USP20: variants seen among roughly 807,000 people sequenced by gnomAD.
USP20 encodes ubiquitin specific peptidase 20, also known as ubiquitin carboxyl-terminal hydrolase 20.
A neutral mutation model predicts 124.2 loss-of-function variants in USP20; 80 were observed. That is an observed-to-expected ratio of 0.64 (90% CI 0.54 to 0.78). The LOEUF is 0.78. Among genes scored for constraint, USP20 ranks in the 30% least tolerant of loss-of-function variants. USP20 has a pLI of 0.00. For missense variants in USP20, 1,043 were observed against 1,244.4 expected (o/e 0.84, Z 2.44); for synonymous variants, 481 against 512.3 (o/e 0.94, Z 0.83).
At chr9:129,876,087 T>C (rs1395552298) in intron 21 of USP20, 43 bp from the exon 22 acceptor site, 7 of 1,547,896 alleles carry the variant, frequency 4.5e-6, no homozygotes, top group Non-Finnish European at 5.3e-6. Flanking sequence ...CCCTCCCTGG[T>C]ACCCCGCTCA....
chr9:129,866,991 A>G (rs2033849827), intron 10 of USP20, among the ~76,000 whole-genome samples: 1 of 151,940 alleles, frequency 6.6e-6, no homozygotes, highest in South Asian at 2.1e-4. Context: ...TTCCCTGCAC[A>G]TGAGTGGAGA....
rs1013380026 is a variant in USP20 at position 129,878,421 on chromosome 9, C to G, written c.2493C>G (p.Phe831Leu). ...SMQWFREWEAFVKGKDNEPPG... is the reference protein window; with the variant it reads ...SMQWFREWEALVKGKDNEPPG... The stretch of plus-strand genomic sequence containing the variant: ...AGTGGTTCCGGGAGTGGGAGGCGTT[C>G]GTCAAGGGGAAGGACAACGGTGAGC... Residue 831 changes from phenylalanine to leucine, a missense_variant, in exon 23 of 26, where the codon TTC becomes TTG. Physicochemically the swap from Phe to Leu is conservative, Grantham distance 22. Coordinates refer to ENST00000372429, the MANE Select transcript of USP20 (RefSeq NM_001110303.4). The G allele has an allele frequency of 1.9e-6, 3 of 1,609,168 alleles. No individual in the cohort carries two copies. Among genetic ancestry groups the G allele is most frequent in the Non-Finnish European group, 2.5e-6 (3 of 1,177,386 alleles).
At chr9:129,841,881 G>C (rs2131031725) in intron 1 of USP20, among the ~76,000 whole-genome samples, 1 of 152,174 alleles carries the variant, frequency 6.6e-6, no homozygotes, top group East Asian at 1.9e-4. Flanking sequence ...TTCGTTGCTG[G>C]GCTGGTTGGC....
chr9:129,847,503 A>G (rs549065285), intron 1 of USP20, among the ~76,000 whole-genome samples: 4 of 151,910 alleles, frequency 2.6e-5, no homozygotes, highest in East Asian at 3.9e-4. Context: ...GGGTTTCACC[A>G]TGTTGGCCAG....
chr9:129,850,386 C>G (rs774062002), intron 2 of USP20, among the ~76,000 whole-genome samples: 4 of 152,170 alleles, frequency 2.6e-5, no homozygotes, highest in Non-Finnish European at 4.4e-5. Flanking sequence ...AAGAAGGAGC[C>G]TCTGTTCCTT....
chr9:129,875,758 C>T (rs1007844649), intron 21 of USP20, 117 bp downstream of exon 21: 12 of 993,284 alleles, frequency 1.2e-5, no homozygotes, highest in East Asian at 2.6e-5. Context: ...CTGGCCTCCA[C>T]GTGGGCAGCA....
At position 129,838,437 on chromosome 9, in the gene USP20, C is replaced by A. The variant is rs575179983; in HGVS notation, c.-129+2938C>A. On this transcript the variant is annotated intron_variant, in intron 1 of 25. Transcript: ENST00000372429. ...ATAGAAATTTCAGGAGAGCCAATTT[C>A]CATTGATTATAAAGACTTAGGTTTG... 2.6e-5 allele frequency among the ~76,000 whole-genome samples: 4 copies of A among 152,260 alleles called. No homozygotes were observed. In the South Asian group the frequency reaches 8.3e-4, roughly 32 times the overall value.
intron 11 of USP20, 113 bp downstream of exon 11, chr9:129,868,562 G>A (rs546040430): frequency 1.7e-5 from 24 of 1,447,888 alleles, no homozygotes; most frequent in South Asian, 1.1e-4. Flanking sequence ...CACTAGACCC[G>A]AATGACAGTG....
At chr9:129,848,704 C>G (rs569896361) in intron 1 of USP20, among the ~76,000 whole-genome samples, 3 of 151,932 alleles carry the variant, frequency 2.0e-5, no homozygotes, top group Admixed American at 2.0e-4. Context: ...CCTCCCCAGC[C>G]ACCCGACTGG....
chr9:129,878,390 G>A lies in USP20; in HGVS notation c.2462G>A (p.Ser821Asn), dbSNP rs768967973. 2 of 1,610,456 alleles carry A rather than the reference G, an allele frequency of 1.2e-6. No homozygotes were observed. Residue 821 changes from serine (S) to asparagine (N), a missense_variant, in exon 23 of 26, where the codon AGC becomes AAC. Physicochemically the swap from Ser to Asn is conservative, Grantham distance 46 (BLOSUM62 1). Coordinates refer to ENST00000372429, the MANE Select transcript of USP20 (RefSeq NM_001110303.4). ...EESPGVIYCI[S>N]MQWFREWEAF... The stretch of plus-strand genomic sequence containing the variant: ...TCGCCGGGCGTCATCTACTGCATCA[G>A]CATGCAGTGGTTCCGGGAGTGGGAG...
intron 1 of USP20, among the ~76,000 whole-genome samples, chr9:129,845,233 G>A (rs936330052): frequency 6.6e-6 from 1 of 151,454 alleles, no homozygotes; most frequent in Admixed American, 6.6e-5. Context: ...TAGGCTCAGG[G>A]CAGTGCCTGG....
At chr9:129,858,724 G>A in intron 6 of USP20, 126 bp downstream of exon 6, 1 of 1,387,178 alleles carries the variant, frequency 7.2e-7, no homozygotes, top group Non-Finnish European at 9.7e-7. Context: ...GGGTCAGTAT[G>A]TTTTCAGGTG....
In USP20 at chr9:129,836,914, G is replaced by A. The variant is rs115433130; in HGVS notation, c.-129+1415G>A. 3.8e-3 allele frequency among the ~76,000 whole-genome samples: 582 copies of A among 152,230 alleles called. 3 individuals carry two copies. The highest frequency in any genetic ancestry group is 0.013 in the African/African-American group (555 of 41,548). ...CTGCAGCTCTCACGCTCTCAGAGGTGGCTCTGAATCTGCCCATCAAGCAGC... is the reference window on the plus strand; with the variant it reads ...CTGCAGCTCTCACGCTCTCAGAGGTAGCTCTGAATCTGCCCATCAAGCAGC... On this transcript the variant is annotated intron_variant, in intron 1 of 25. Coordinates refer to ENST00000372429, the MANE Select transcript of USP20 (RefSeq NM_001110303.4).
At position 129,875,347 on chromosome 9, in the gene USP20, G is replaced by A. The variant is rs1284681374; in HGVS notation, c.2086G>A (p.Val696Met). Residue 696 changes from valine (V) to methionine (M), a missense_variant, in exon 20 of 26, where the codon GTG becomes ATG. Physicochemically the swap from Val to Met is conservative, Grantham distance 21 (BLOSUM62 1). Transcript: ENST00000372429. ...GGAGGCCATGCGGGAGCGACAGCAG[G>A]TGGTGTCCCTGGCCGCCATGCGGGA... ...SEEAMRERQQ[V>M]VSLAAMREPS... 6.2e-7 allele frequency: 1 copy of A among 1,612,310 alleles called. No individual in the cohort carries two copies. The highest frequency in any genetic ancestry group is 8.5e-7 in the Non-Finnish European group (1 of 1,179,666).
At chr9:129,867,914 T>C (rs887890345) in intron 10 of USP20, 91 bp from the exon 11 acceptor site, 19 of 1,469,446 alleles carry the variant, frequency 1.3e-5, no homozygotes, top group Non-Finnish European at 1.4e-5. Context: ...TCCTCCTAGA[T>C]GGAGGCTGGC....
At chr9:129,843,123 T>C (rs2032326936) in intron 1 of USP20, among the ~76,000 whole-genome samples, 1 of 151,898 alleles carries the variant, frequency 6.6e-6, no homozygotes, top group Admixed American at 6.6e-5. Context: ...AATAATTTTT[T>C]TTTTTTTTTT....
intron 6 of USP20, among the ~76,000 whole-genome samples, chr9:129,859,841 C>A (rs1193816398): frequency 3.3e-5 from 5 of 152,052 alleles, no homozygotes; most frequent in African/African-American, 1.2e-4. Flanking sequence ...TTGAGACCAG[C>A]CTGGGCAACA....
In USP20 at chr9:129,875,330, T is replaced by C. The variant is rs2034338199; in HGVS notation, c.2069T>C (p.Met690Thr). The C allele has an allele frequency of 6.2e-7, 1 of 1,611,170 alleles. No homozygotes were observed. Reference protein sequence around the residue: ...LFYRKSSEEAMRERQQVVSLA... With the variant: ...LFYRKSSEEATRERQQVVSLA... ...CACAGGAAGAGCAGCGAGGAGGCCA[T>C]GCGGGAGCGACAGCAGGTGGTGTCC... The change falls in exon 20 of 26, where the codon ATG becomes ACG. Residue 690 changes from methionine to threonine, a missense_variant. Transcript: ENST00000372429.
At chr9:129,859,061 C>T (rs1286447090) in intron 6 of USP20, among the ~76,000 whole-genome samples, 1 of 151,794 alleles carries the variant, frequency 6.6e-6, no homozygotes, top group Non-Finnish European at 1.5e-5. Flanking sequence ...ACCTGGGTAA[C>T]GTCAACCAGA....
Sources: gnomAD v4.1 joint callset for allele counts (sites outside exome capture counted in the v4.1 genomes callset) on GRCh38, gnomAD v4.1.1 for gene constraint, MANE v1.5 for transcripts, NCBI Gene and HGNC (gene_info 2026-07-23, HGNC 2026-07-21) for gene names.